CDC14B: variants seen among roughly 807,000 people sequenced by gnomAD.
CDC14B encodes cell division cycle 14B, also known as dual specificity protein phosphatase CDC14B.
A neutral mutation model predicts 64.2 loss-of-function variants in CDC14B; 22 were observed. The ratio of observed to expected loss-of-function variants is 0.34; its 90% CI spans 0.24 to 0.49. The LOEUF (loss-of-function observed/expected upper bound fraction) is 0.49, where lower values mean the gene tolerates loss of function less well. CDC14B is among the 20% of genes least tolerant of loss of function. The probability of loss-of-function intolerance (pLI) is 0.99; values close to 1 mark genes in which losing one functional copy is unlikely to be tolerated. For missense variants in CDC14B, 498 were observed against 629.9 expected (o/e 0.79, Z 2.24); for synonymous variants, 191 against 215.8 (o/e 0.89, Z 1.01).
chr9:96,569,529 A>C (rs1180921361), intron 1 of CDC14B, among the ~76,000 whole-genome samples: 1 of 152,212 alleles, frequency 6.6e-6, no homozygotes, highest in Non-Finnish European at 1.5e-5. Flanking sequence ...CATAATGCCA[A>C]TATTTTATTG....
chr9:96,569,287 C>T (rs757997222), intron 1 of CDC14B, among the ~76,000 whole-genome samples: 1 of 152,110 alleles, frequency 6.6e-6, no homozygotes, highest in Non-Finnish European at 1.5e-5. Context: ...TGGAAAATAT[C>T]CTTCGTATGC....
chr9:96,551,445 A>C (rs1813052236), intron 5 of CDC14B, among the ~76,000 whole-genome samples: 1 of 152,094 alleles, frequency 6.6e-6, no homozygotes, highest in Admixed American at 6.6e-5. Context: ...CATCAATGGC[A>C]GTAGTTCTCA....
intron 5 of CDC14B, among the ~76,000 whole-genome samples, chr9:96,544,967 G>A (rs1005238101): frequency 1.3e-5 from 2 of 152,162 alleles, no homozygotes; most frequent in Non-Finnish European, 2.9e-5. Context: ...GTGGTCCCCA[G>A]GCCAGCAGCA....
intron 1 of CDC14B, chr9:96,567,043 G>A (rs1258410217): frequency 1.3e-5 from 16 of 1,210,152 alleles, no homozygotes; most frequent in Admixed American, 6.1e-5. Flanking sequence ...CCGTGGGGAC[G>A]GACAGCACCC....
chr9:96,522,583 G>T lies in CDC14B; in HGVS notation c.1266C>A (p.Ile422=), dbSNP rs201250074. 78 of 1,611,726 alleles carry T rather than the reference G, an allele frequency of 4.8e-5. 1 individual carries two copies. The highest frequency in any genetic ancestry group is 5.7e-5 in the Non-Finnish European group (67 of 1,177,942). The change falls in exon 12 of 14, where the codon ATC becomes ATA. Residue 422 remains isoleucine (I), a synonymous_variant. Coordinates refer to ENST00000375241, the MANE Select transcript of CDC14B (RefSeq NM_033331.4). The part of the protein sequence containing the change: ...EPEPYSDDDE[I]NGVTQGDRLR... ...GTCTATCACCTTGTGTCACTCCATT[G>T]ATTTCGTCATCATCACTGTACTGTG...
At chr9:96,594,394 T>C (rs1845946986) in intron 1 of CDC14B, among the ~76,000 whole-genome samples, 2 of 151,990 alleles carry the variant, frequency 1.3e-5, no homozygotes, top group Non-Finnish European at 2.9e-5. Flanking sequence ...CAACAGAACA[T>C]AGAACATGCA....
intron 1 of CDC14B, among the ~76,000 whole-genome samples, chr9:96,582,621 G>A (rs971448703): frequency 6.6e-6 from 1 of 152,116 alleles, no homozygotes; most frequent in African/African-American, 2.4e-5. Context: ...CAAAACTGCT[G>A]GCGAGTGTAC....
chr9:96,571,692 A>G (rs1024944918), intron 1 of CDC14B, among the ~76,000 whole-genome samples: 1 of 152,164 alleles, frequency 6.6e-6, no homozygotes, highest in African/African-American at 2.4e-5. Context: ...CCCAACTCCC[A>G]TAAGTTTTGT....
intron 11 of CDC14B, among the ~76,000 whole-genome samples, chr9:96,522,912 C>T (rs1836966042): frequency 6.6e-6 from 1 of 152,150 alleles, no homozygotes; most frequent in South Asian, 2.1e-4. Context: ...TACTGCTACC[C>T]CCTAAGCCTT....
chr9:96,580,267 T>C (rs1213952634), intron 1 of CDC14B, among the ~76,000 whole-genome samples: 1 of 151,902 alleles, frequency 6.6e-6, no homozygotes, highest in African/African-American at 2.4e-5. Flanking sequence ...TCGCTCTTTT[T>C]TTTGCCCAGG....
chr9:96,585,788 G>T (rs1458315017), intron 1 of CDC14B, among the ~76,000 whole-genome samples: 1 of 152,164 alleles, frequency 6.6e-6, no homozygotes, highest in Admixed American at 6.5e-5. Flanking sequence ...TAGTATGTGT[G>T]TCTACAAAAA....
intron 1 of CDC14B, among the ~76,000 whole-genome samples, chr9:96,609,672 A>G (rs189875855): frequency 6.6e-6 from 1 of 152,368 alleles, no homozygotes; most frequent in Admixed American, 6.5e-5. Context: ...TAATGATAGT[A>G]TTGCATTATG....
rs1833736796 is a variant in CDC14B at position 96,503,559 on chromosome 9, C to T, written c.*194G>A. The T allele has an allele frequency of 5.0e-6, 3 of 597,668 alleles. No homozygotes were observed. The Admixed American group carries it at 9.2e-5, about 18-fold the overall frequency. 37.0% of individuals were successfully genotyped at this position (597,668 alleles called of 1,614,324 possible). A position where few individuals can be genotyped will look rare whatever the true frequency, so the allele number is the denominator to read the frequency against. ...TTCAGCTTGAGAGCTGGACCCTTCT[C>T]TGAGTCATTTGCTTGCACCCAAACT... On this transcript the variant is annotated 3_prime_UTR_variant, in exon 14 of 14. Coordinates refer to ENST00000375241, the MANE Select transcript of CDC14B (RefSeq NM_033331.4).
intron 1 of CDC14B, chr9:96,618,731 G>T (rs1301880412): frequency 5.1e-6 from 2 of 391,084 alleles, no homozygotes; most frequent in African/African-American, 4.2e-5. Context: ...AGGCTACGGA[G>T]CAGCGGGGGT....
chr9:96,602,680 C>A (rs1294019710), intron 1 of CDC14B, among the ~76,000 whole-genome samples: 1 of 152,170 alleles, frequency 6.6e-6, no homozygotes, highest in Non-Finnish European at 1.5e-5. Context: ...GTCCCTCCCA[C>A]TACACATGGG....
chr9:96,604,474 G>A (rs901124301), intron 1 of CDC14B, among the ~76,000 whole-genome samples: 27 of 151,296 alleles, frequency 1.8e-4, no homozygotes, highest in Middle Eastern at 3.4e-3. Flanking sequence ...TCCGCCTCCC[G>A]GGATCAAGCG....
At chr9:96,582,698 T>C (rs184164713) in intron 1 of CDC14B, among the ~76,000 whole-genome samples, 127 of 152,328 alleles carry the variant, frequency 8.3e-4, no homozygotes, top group Non-Finnish European at 1.6e-3. Flanking sequence ...GCTATTTCTT[T>C]ATGGCACTGA....
intron 4 of CDC14B, 162 bp downstream of exon 4, chr9:96,562,531 C>A (rs185735020): frequency 1.6e-6 from 1 of 619,154 alleles, no homozygotes; most frequent in East Asian, 2.7e-5. Context: ...GCTACTTCCA[C>A]ATAAGCACAG....
At position 96,565,537 on chromosome 9, in the gene CDC14B, T is replaced by C. The variant is rs759233261; in HGVS notation, c.161-54A>G. On this transcript the variant is annotated intron_variant, in intron 1 of 13. Transcript: ENST00000375241. Reference sequence around the variant, plus strand: ...CCTGGAGGTTACAAAAAACGTTTCATATATCATGACACAACTCTTTTCAGA... The same window carrying C: ...CCTGGAGGTTACAAAAAACGTTTCACATATCATGACACAACTCTTTTCAGA... The C allele has an allele frequency of 4.4e-6, 5 of 1,130,742 alleles. No homozygotes were observed. In the East Asian group the frequency reaches 7.0e-5, roughly 16 times the overall value. The allele number at this position is 1,130,742 out of a possible 1,614,324, so 70.0% of individuals were successfully genotyped here.
Sources: gnomAD v4.1 joint callset for allele counts (sites outside exome capture counted in the v4.1 genomes callset) on GRCh38, gnomAD v4.1.1 for gene constraint, MANE v1.5 for transcripts, NCBI Gene and HGNC (gene_info 2026-07-23, HGNC 2026-07-21) for gene names.